The following RYR3 variants were observed in gnomAD, a reference collection of about 807,000 sequenced individuals.
RYR3 encodes the protein ryanodine receptor 3.
Under a neutral mutation model 584.3 loss-of-function variants are expected in RYR3, and 207 were observed. The observed-to-expected ratio is 0.35, with a 90% CI of 0.32 to 0.40. The LOEUF (loss-of-function observed/expected upper bound fraction) is 0.40. Ranked by LOEUF, RYR3 falls within the 10% of genes least tolerant of loss-of-function variation. The probability of loss-of-function intolerance (pLI) is 1.00; values close to 1 mark genes in which losing one functional copy is unlikely to be tolerated. For synonymous variants in RYR3, 2,416 were observed against 2,248.5 expected (o/e 1.07, Z -2.11); for missense variants, 5,616 against 6,089.2 (o/e 0.92, Z 2.59).
intron 78 of RYR3, 94 bp from the exon 79 acceptor site, chr15:33,821,176 A>T: frequency 1.1e-6 from 1 of 919,684 alleles, no homozygotes; most frequent in Non-Finnish European, 1.7e-6. Flanking sequence ...TACCTTCCTT[A>T]GGTAACTGGA....
intron 1 of RYR3, among the ~76,000 whole-genome samples, chr15:33,444,409 G>A (rs2046455090): frequency 6.6e-6 from 1 of 152,166 alleles, no homozygotes. Flanking sequence ...CTTTCCATGT[G>A]ATAAAACCAT....
chr15:33,435,528 C>T (rs1410738356), intron 1 of RYR3, among the ~76,000 whole-genome samples: 2 of 152,110 alleles, frequency 1.3e-5, no homozygotes, highest in African/African-American at 4.8e-5. Flanking sequence ...GTGAGAATTT[C>T]TTCAGGATTT....
chr15:33,780,873 C>T (rs1037548544), intron 65 of RYR3, among the ~76,000 whole-genome samples: 2 of 152,178 alleles, frequency 1.3e-5, no homozygotes, highest in African/African-American at 2.4e-5. Flanking sequence ...CATATTGACA[C>T]GCTAGGTTCC....
rs113397605 is a variant in RYR3, at chr15:33,844,435, G to A, written c.13297-427G>A. Among the ~76,000 whole-genome samples, 536 of 152,294 alleles carry A rather than the reference G, an allele frequency of 3.5e-3. 1 individual carries two copies. Among genetic ancestry groups the A allele is most frequent in the Middle Eastern group, 6.8e-3 (2 of 294 alleles). ...GCGGCTGAAGCCATGAATGTAAATG[G>A]CATCTCAGAAAGAATGGAAAATACT... On this transcript the variant is annotated intron_variant, in intron 92 of 103. Coordinates refer to ENST00000634891, the MANE Select transcript of RYR3 (RefSeq NM_001036.6).
chr15:33,530,771 G>A, intron 4 of RYR3, 105 bp downstream of exon 4: 1 of 801,890 alleles, frequency 1.2e-6, no homozygotes, highest in Non-Finnish European at 2.1e-6. Flanking sequence ...GGAACAATTG[G>A]AACATAACTA....
chr15:33,683,017 T>A (rs185527844), intron 38 of RYR3, among the ~76,000 whole-genome samples: 1 of 151,300 alleles, frequency 6.6e-6, no homozygotes, highest in African/African-American at 2.4e-5. Context: ...TTTTTTGAGA[T>A]GGAGTCTCGC....
chr15:33,411,175 G>T (rs2043380611), intron 1 of RYR3, among the ~76,000 whole-genome samples: 1 of 152,144 alleles, frequency 6.6e-6, no homozygotes, highest in Non-Finnish European at 1.5e-5. Flanking sequence ...CCCCTACCTG[G>T]ATTTGTCTTG....
intron 90 of RYR3, among the ~76,000 whole-genome samples, 192 bp downstream of exon 90, chr15:33,841,075 G>A (rs542079052): frequency 6.6e-6 from 1 of 152,114 alleles, no homozygotes; most frequent in South Asian, 2.1e-4. Flanking sequence ...AAAATTGCTG[G>A]GCATGGTGGT....
chr15:33,771,464 G>A (rs1469357321), intron 62 of RYR3, among the ~76,000 whole-genome samples: 1 of 151,412 alleles, frequency 6.6e-6, no homozygotes, highest in African/African-American at 2.4e-5. Context: ...AACCTGGGAG[G>A]CAGAGGTTGC....
chr15:33,789,851 A>G (rs1258807355), intron 67 of RYR3, among the ~76,000 whole-genome samples: 1 of 138,150 alleles, frequency 7.2e-6, no homozygotes, highest in Non-Finnish European at 1.6e-5. Context: ...ATTGTTTGGT[A>G]TTTTAGTAGA....
chr15:33,430,991 G>A (rs1406199516), intron 1 of RYR3, among the ~76,000 whole-genome samples: 3 of 152,120 alleles, frequency 2.0e-5, no homozygotes, highest in South Asian at 4.1e-4. Flanking sequence ...ACTGCTTAGA[G>A]GAACAACTAG....
At chr15:33,846,142 C>T (rs141477489) in intron 93 of RYR3, among the ~76,000 whole-genome samples, 34 of 152,336 alleles carry the variant, frequency 2.2e-4, no homozygotes, top group African/African-American at 8.2e-4. Context: ...GTGGCCTTTC[C>T]ACATGATCTG....
chr15:33,712,272 T>A (rs1199670451), intron 43 of RYR3, among the ~76,000 whole-genome samples: 1 of 152,082 alleles, frequency 6.6e-6, no homozygotes, highest in African/African-American at 2.4e-5. Flanking sequence ...ACCTCCAGCA[T>A]TGGGGATTAC....
intron 87 of RYR3, among the ~76,000 whole-genome samples, chr15:33,836,133 T>C (rs1283759077): frequency 6.6e-6 from 1 of 151,528 alleles, no homozygotes; most frequent in African/African-American, 2.4e-5. Context: ...TTTTTTTTTT[T>C]TCCTTTTTTC....
intron 36 of RYR3, among the ~76,000 whole-genome samples, chr15:33,668,970 A>T (rs758936962): frequency 6.6e-6 from 1 of 152,198 alleles, no homozygotes; most frequent in Non-Finnish European, 1.5e-5. Flanking sequence ...GGATTAAGAA[A>T]GTAAGAAAAT....
chr15:33,565,408 T>C (rs960058313), intron 11 of RYR3, among the ~76,000 whole-genome samples: 1 of 152,176 alleles, frequency 6.6e-6, no homozygotes, highest in African/African-American at 2.4e-5. Flanking sequence ...AGTATATAGA[T>C]GGGATGCAAA....
intron 1 of RYR3, among the ~76,000 whole-genome samples, chr15:33,344,568 T>C (rs1295166955): frequency 6.6e-6 from 1 of 152,194 alleles, no homozygotes; most frequent in Non-Finnish European, 1.5e-5. Context: ...TTTTCCCAGG[T>C]GGAGTGTTTT....
In RYR3 at chr15:33,818,597, A is replaced by G; in HGVS notation, c.10619A>G (p.Glu3540Gly). The change falls in exon 76 of 104, where the codon GAG becomes GGG. Residue 3540 changes from glutamate (E) to glycine (G), a missense_variant. Coordinates refer to ENST00000634891, the MANE Select transcript of RYR3 (RefSeq NM_001036.6). ...QDLAKSPKVEEEEEEETEKQP... is the reference protein window; with the variant it reads ...QDLAKSPKVEGEEEEETEKQP... ...GTGTAGAAATCTCCAAAGGTGGAAG[A>G]GGAGGAGGAGGAAGAGACAGAAAAA... is the stretch of plus-strand genomic sequence containing the variant. The G allele has an allele frequency of 6.2e-7, 1 of 1,601,468 alleles. No individual in the cohort carries two copies. Among genetic ancestry groups the G allele is most frequent in the Admixed American group, 1.7e-5 (1 of 59,878 alleles).
At chr15:33,773,788 A>G (rs62010984) in intron 64 of RYR3, among the ~76,000 whole-genome samples, 173 bp downstream of exon 64, 25,161 of 152,290 alleles carry the variant, frequency 0.17, 2,465 homozygotes, top group South Asian at 0.25. Context: ...AAGAAGTGCA[A>G]TGATGAGGCT....
Sources: allele counts gnomAD v4.1 joint callset (sites outside exome capture counted in the v4.1 genomes callset), GRCh38; gene constraint gnomAD v4.1.1; transcripts MANE v1.5; gene names NCBI Gene and HGNC (gene_info 2026-07-23, HGNC 2026-07-21).